Variants in PAPPA observed in about 807,000 individuals in gnomAD.
PAPPA encodes the protein pappalysin 1.
Under a neutral mutation model 164.0 loss-of-function variants are expected in PAPPA, and 60 were observed. That is an observed-to-expected ratio of 0.37 (90% CI 0.30 to 0.45). The LOEUF (loss-of-function observed/expected upper bound fraction) is 0.45. Ranked by LOEUF, PAPPA falls within the 20% of genes least tolerant of loss-of-function variation. The pLI is 1.00. For synonymous variants in PAPPA, 875 were observed against 814.1 expected, an observed-to-expected ratio of 1.07 and a Z score of -1.27; for missense variants, 1,782 against 2,087.3, an observed-to-expected ratio of 0.85 and a Z score of 2.85.
intron 6 of PAPPA, among the ~76,000 whole-genome samples, chr9:116,227,998 A>G (rs1400336010): frequency 1.3e-5 from 2 of 152,120 alleles, no homozygotes; most frequent in Non-Finnish European, 2.9e-5. Context: ...ATGTGTTGCA[A>G]CTATTCCTTT....
At chr9:116,278,654 G>GTTTT (rs144418063) in intron 9 of PAPPA, among the ~76,000 whole-genome samples, 21,111 of 148,524 alleles carry the variant, frequency 0.14, 1,613 homozygotes, top group Non-Finnish European at 0.16. Flanking sequence ...TAGCCAAATC[G>GTTTT]TTTTTTTTTT....
intron 9 of PAPPA, among the ~76,000 whole-genome samples, chr9:116,284,508 C>T (rs1025422566): frequency 6.8e-6 from 1 of 147,254 alleles, no homozygotes; most frequent in Non-Finnish European, 1.5e-5. Flanking sequence ...CCATTCTCTC[C>T]TTGTATGACT....
chr9:116,348,544 AT>A (rs1204998928), intron 15 of PAPPA, among the ~76,000 whole-genome samples: 2 of 152,074 alleles, frequency 1.3e-5, no homozygotes, highest in Non-Finnish European at 2.9e-5. Flanking sequence ...GGTTTGTTAT[AT>A]AGGTAAATTT....
intron 21 of PAPPA, among the ~76,000 whole-genome samples, chr9:116,391,057 C>G (rs985182049): frequency 1.3e-5 from 2 of 152,160 alleles, no homozygotes; most frequent in African/African-American, 4.8e-5. Context: ...ATAGCATACA[C>G]GAAAGTCAGC....
intron 9 of PAPPA, among the ~76,000 whole-genome samples, chr9:116,290,539 G>C (rs1053870712): frequency 4.6e-5 from 7 of 152,108 alleles, no homozygotes; most frequent in African/African-American, 1.7e-4. Flanking sequence ...GAGGGAAAGT[G>C]ACTTGTCCAA....
At chr9:116,273,836 A>G (rs546450808) in intron 9 of PAPPA, among the ~76,000 whole-genome samples, 63 of 152,290 alleles carry the variant, frequency 4.1e-4, no homozygotes, top group Middle Eastern at 3.4e-3. Flanking sequence ...TCCTAGATTC[A>G]TTTTATAGAC....
In PAPPA at chr9:116,399,390, G is replaced by C. The variant is rs893599425; in HGVS notation, c.*2774G>C. 2.0e-5 allele frequency: 3 copies of C among 152,632 alleles called. No homozygotes were observed. Among genetic ancestry groups the C allele is most frequent in the Middle Eastern group, 3.2e-3 (1 of 316 alleles). 9.5% of individuals were successfully genotyped at this position (152,632 alleles called of 1,614,324 possible). On this transcript the variant is annotated 3_prime_UTR_variant, in exon 22 of 22. Transcript: ENST00000328252. ...TTTAATAGGGTCTTTTCAAACCTTA[G>C]TGGAGGAGGGTCAGCTCAATTTGGG...
At chr9:116,234,878 G>A (rs1013853053) in intron 6 of PAPPA, among the ~76,000 whole-genome samples, 2 of 152,180 alleles carry the variant, frequency 1.3e-5, no homozygotes, top group Non-Finnish European at 2.9e-5. Flanking sequence ...AGGAAGGAAA[G>A]TTTGAACATT....
intron 9 of PAPPA, among the ~76,000 whole-genome samples, chr9:116,294,576 T>C (rs1845478289): frequency 6.6e-6 from 1 of 152,160 alleles, no homozygotes; most frequent in African/African-American, 2.4e-5. Flanking sequence ...TATAGCCACC[T>C]CCCAGCCCCA....
At chr9:116,170,703 C>T (rs1028462307) in intron 1 of PAPPA, among the ~76,000 whole-genome samples, 3 of 151,208 alleles carry the variant, frequency 2.0e-5, no homozygotes, top group Admixed American at 2.0e-4. Flanking sequence ...CCATTCATTC[C>T]CTAATCCATC....
intron 21 of PAPPA, among the ~76,000 whole-genome samples, chr9:116,390,742 G>C (rs1039613604): frequency 6.6e-6 from 1 of 151,988 alleles, no homozygotes; most frequent in Non-Finnish European, 1.5e-5. Flanking sequence ...CCTTATGGAT[G>C]AAGTAGGCAC....
intron 4 of PAPPA, among the ~76,000 whole-genome samples, chr9:116,214,455 G>A (rs997972274): frequency 6.6e-6 from 1 of 152,160 alleles, no homozygotes; most frequent in Non-Finnish European, 1.5e-5. Flanking sequence ...AGGCAAAGGT[G>A]AAATCTAAAC....
At chr9:116,282,998 T>G (rs1845285607) in intron 9 of PAPPA, among the ~76,000 whole-genome samples, 2 of 152,144 alleles carry the variant, frequency 1.3e-5, no homozygotes, top group Non-Finnish European at 2.9e-5. Flanking sequence ...AGGACTGAGT[T>G]TTTTTCATTT....
chr9:116,364,780 G>A (rs1235735007), intron 18 of PAPPA, among the ~76,000 whole-genome samples: 2 of 152,062 alleles, frequency 1.3e-5, no homozygotes, highest in East Asian at 3.9e-4. Context: ...GTGGGAGGGT[G>A]GTATTTCTTT....
Sources: gnomAD v4.1 joint callset for allele counts (sites outside exome capture counted in the v4.1 genomes callset) on GRCh38, gnomAD v4.1.1 for gene constraint, MANE v1.5 for transcripts, NCBI Gene and HGNC (gene_info 2026-07-23, HGNC 2026-07-21) for gene names.